TNFRSF11B: variants seen among roughly 807,000 people sequenced by gnomAD.
TNFRSF11B encodes the protein TNF receptor superfamily member 11b, also known as tumor necrosis factor receptor superfamily member 11B.
A neutral mutation model predicts 43.4 loss-of-function variants in TNFRSF11B; 16 were observed. The observed-to-expected ratio is 0.37, with a 90% confidence interval of 0.25 to 0.56. TNFRSF11B has a LOEUF of 0.56. Among genes scored for constraint, TNFRSF11B ranks in the 20% least tolerant of loss-of-function variants. TNFRSF11B has a pLI of 0.80. For synonymous variants in TNFRSF11B, 185 were observed against 181.8 expected (o/e 1.02, Z -0.14); for missense variants, 444 against 490.1 (o/e 0.91, Z 0.89).
chr8:118,924,614 A>AAG lies in TNFRSF11B; in HGVS notation c.965_966insCT (p.Asp323LeufsTer5). 2 of 1,614,120 alleles carry AAG rather than the reference A, an allele frequency of 1.2e-6. No individual in the cohort carries two copies. Among genetic ancestry groups the AAG allele is most frequent in the Non-Finnish European group, 1.7e-6 (2 of 1,180,022 alleles). ...AACTGAGCAGCTTCAGGATCTGGTC[A>AAG]CTGGGTTTGCATGCCTTTATTGTTT... On this transcript the variant is annotated frameshift_variant, in exon 5 of 5. Coordinates refer to ENST00000297350, the MANE Select transcript of TNFRSF11B (RefSeq NM_002546.4). LOFTEE classifies it high-confidence loss of function.
At chr8:118,930,424 C>T (rs982103185) in intron 2 of TNFRSF11B, 55 of 154,034 alleles carry the variant, frequency 3.6e-4, no homozygotes, top group Middle Eastern at 3.3e-3. Flanking sequence ...GCGGGGGCGG[C>T]GGCAGGGACG....
chr8:118,949,012 C>T (rs966445369), intron 1 of TNFRSF11B, among the ~76,000 whole-genome samples: 3 of 152,028 alleles, frequency 2.0e-5, no homozygotes, highest in African/African-American at 7.3e-5. Flanking sequence ...TGGATGGTTC[C>T]GATACTACTT....
intron 2 of TNFRSF11B, among the ~76,000 whole-genome samples, chr8:118,932,524 G>A (rs1049666222): frequency 2.6e-5 from 4 of 152,172 alleles, no homozygotes; most frequent in East Asian, 1.9e-4. Context: ...TCATTAATAT[G>A]AGCATAATTA....
At chr8:118,932,809 G>T (rs1030960174) in intron 2 of TNFRSF11B, 122 bp downstream of exon 2, 1 of 1,315,578 alleles carries the variant, frequency 7.6e-7, no homozygotes, top group East Asian at 2.4e-5. Context: ...TACCTGGCAG[G>T]TTTCATTACC....
At chr8:118,926,827 A>T in intron 3 of TNFRSF11B, 109 bp from the exon 4 acceptor site, 1 of 1,065,986 alleles carries the variant, frequency 9.4e-7, no homozygotes, top group Non-Finnish European at 1.4e-6. Flanking sequence ...TTTCCAAGAT[A>T]AAATATGCTA....
intron 1 of TNFRSF11B, among the ~76,000 whole-genome samples, chr8:118,941,820 C>T (rs1199165134): frequency 6.6e-6 from 1 of 152,164 alleles, no homozygotes; most frequent in Non-Finnish European, 1.5e-5. Flanking sequence ...GGAAATTGCA[C>T]ATATTTTGGC....
intron 1 of TNFRSF11B, among the ~76,000 whole-genome samples, chr8:118,948,181 T>A (rs534889040): frequency 1.3e-5 from 2 of 152,290 alleles, no homozygotes; most frequent in South Asian, 4.1e-4. Context: ...TCTGCTCCAT[T>A]GTAGCAACAT....
intron 1 of TNFRSF11B, 23 bp downstream of exon 1, chr8:118,951,769 C>T (rs769854855): frequency 2.3e-5 from 36 of 1,581,604 alleles, no homozygotes; most frequent in Non-Finnish European, 2.2e-5. Context: ...GCCGGGCACC[C>T]GTCGGCTGGC....
At chr8:118,948,677 C>T (rs1430373263) in intron 1 of TNFRSF11B, among the ~76,000 whole-genome samples, 2 of 152,010 alleles carry the variant, frequency 1.3e-5, no homozygotes, top group Non-Finnish European at 2.9e-5. Flanking sequence ...GGGCCAGGAA[C>T]GTTGCTACGG....
chr8:118,940,947 A>T (rs1812476447), intron 1 of TNFRSF11B, among the ~76,000 whole-genome samples: 1 of 152,162 alleles, frequency 6.6e-6, no homozygotes, highest in South Asian at 2.1e-4. Flanking sequence ...CAAGTATTCA[A>T]TATATCTTTT....
chr8:118,925,490 G>A (rs944610845), intron 4 of TNFRSF11B, among the ~76,000 whole-genome samples: 1 of 152,186 alleles, frequency 6.6e-6, no homozygotes, highest in African/African-American at 2.4e-5. Context: ...TTCGGCTTCA[G>A]GGCTAATTAT....
At chr8:118,925,206 C>T (rs1812231470) in intron 4 of TNFRSF11B, among the ~76,000 whole-genome samples, 1 of 152,138 alleles carries the variant, frequency 6.6e-6, no homozygotes, top group Non-Finnish European at 1.5e-5. Context: ...ACACATAGCA[C>T]CAGAGGACTA....
chr8:118,924,451 T>C lies in TNFRSF11B; in HGVS notation c.1129A>G (p.Met377Val). Residue 377 changes from methionine to valine, a missense_variant, in exon 5 of 5, where the codon ATG becomes GTG. Met to Val is a conservative substitution (Grantham distance 21, BLOSUM62 1). Coordinates refer to ENST00000297350, the MANE Select transcript of TNFRSF11B (RefSeq NM_002546.4). ...AATAACTTCTGATACAATTTGTACATTGTGAAGCTGTGAAGGAACCTGATG... is the reference window on the plus strand; with the variant it reads ...AATAACTTCTGATACAATTTGTACACTGTGAAGCTGTGAAGGAACCTGATG... ...KTIRFLHSFT[M>V]YKLYQKLFLE... is the part of the protein sequence containing the mutation. The C allele has an allele frequency of 6.2e-7, 1 of 1,614,150 alleles. No individual in the cohort carries two copies. Among genetic ancestry groups the C allele is most frequent in the South Asian group, 1.1e-5 (1 of 91,084 alleles).
chr8:118,951,678 C>G, intron 1 of TNFRSF11B, 114 bp downstream of exon 1: 2 of 1,058,284 alleles, frequency 1.9e-6, no homozygotes, highest in Admixed American at 2.0e-5. Context: ...CCAAGCCTCT[C>G]CTGGGAGGGA....
chr8:118,944,449 C>T (rs1011034186), intron 1 of TNFRSF11B, among the ~76,000 whole-genome samples: 5 of 152,040 alleles, frequency 3.3e-5, no homozygotes, highest in South Asian at 2.1e-4. Flanking sequence ...ACATTCTCCC[C>T]GACCCCATCC....
chr8:118,937,819 ATGGG>A (rs1250696466), intron 1 of TNFRSF11B, among the ~76,000 whole-genome samples: 2 of 152,216 alleles, frequency 1.3e-5, no homozygotes, highest in Non-Finnish European at 2.9e-5. Context: ...AGCTGAATGG[ATGGG>A]TAATACTTAC....
At position 118,926,708 on chromosome 8, in the gene TNFRSF11B, C is replaced by T. The variant is rs750987558; in HGVS notation, c.603G>A (p.Leu201=). ...STQKCGIDVT[L]CEEAFFRFAV... Reference sequence around the variant, plus strand: ...CAAACCTGAAGAATGCCTCCTCACACAGGGTAACATCTAAAGAAAGGTTAG... The same window carrying T: ...CAAACCTGAAGAATGCCTCCTCACATAGGGTAACATCTAAAGAAAGGTTAG... Residue 201 remains leucine (L), a synonymous_variant, in exon 4 of 5, where the codon CTG becomes CTA. Coordinates refer to ENST00000297350, the MANE Select transcript of TNFRSF11B (RefSeq NM_002546.4). 6.8e-6 allele frequency: 11 copies of T among 1,613,542 alleles called. No individual in the cohort carries two copies. In the Admixed American group the frequency reaches 1.5e-4, roughly 22 times the overall value.
intron 1 of TNFRSF11B, among the ~76,000 whole-genome samples, chr8:118,950,228 A>T (rs1041761590): frequency 2.0e-5 from 3 of 152,228 alleles, no homozygotes; most frequent in Admixed American, 1.3e-4. Context: ...TAGGAAGAAT[A>T]AAAATGTCCC....
chr8:118,930,959 A>G (rs1290484281), intron 2 of TNFRSF11B, among the ~76,000 whole-genome samples: 4 of 152,212 alleles, frequency 2.6e-5, no homozygotes, highest in African/African-American at 9.6e-5. Flanking sequence ...AAAAAGATCT[A>G]TCCATCTAAG....
Sources: gnomAD v4.1 joint callset for allele counts (sites outside exome capture counted in the v4.1 genomes callset) on GRCh38, gnomAD v4.1.1 for gene constraint, MANE v1.5 for transcripts, NCBI Gene and HGNC (gene_info 2026-07-23, HGNC 2026-07-21) for gene names.